Variants in SAXO1 observed in about 807,000 individuals in gnomAD.
The protein encoded by SAXO1 is 4930500O09Rik.
Under a neutral mutation model 17.5 loss-of-function variants are expected in SAXO1, and 21 were observed. The ratio of observed to expected loss-of-function variants is 1.20; its 90% CI spans 0.85 to 1.72. The LOEUF (loss-of-function observed/expected upper bound fraction) is 1.72, where lower values mean the gene tolerates loss of function less well. Among genes scored for constraint, SAXO1 ranks in the 40% most tolerant of loss-of-function variants. The pLI, the probability that SAXO1 is intolerant of heterozygous loss-of-function variation, is 0.00. For synonymous variants in SAXO1, 274 were observed against 216.5 expected, an observed-to-expected ratio of 1.27 and a Z score of -2.33; for missense variants, 843 against 596.0, an observed-to-expected ratio of 1.41 and a Z score of -4.32.
intron 1 of SAXO1, among the ~76,000 whole-genome samples, chr9:19,002,589 A>C (rs952479267): frequency 5.9e-5 from 9 of 152,264 alleles, no homozygotes; most frequent in Admixed American, 2.6e-4. Context: ...CTGGTTCAAC[A>C]TAGGCAAATT....
At chr9:18,931,130 T>A (rs1443050305) in intron 3 of SAXO1, among the ~76,000 whole-genome samples, 1 of 152,224 alleles carries the variant, frequency 6.6e-6, no homozygotes, top group Non-Finnish European at 1.5e-5. Context: ...ATAGAGTATT[T>A]GCATCATGCC....
chr9:18,934,303 TTATGAG>T (rs57231459), intron 3 of SAXO1, among the ~76,000 whole-genome samples: 16,936 of 152,066 alleles, frequency 0.11, 1,690 homozygotes, highest in African/African-American at 0.27. Context: ...GGGGCCATGA[TTATGAG>T]TATGTTAGTA....
chr9:19,027,162 G>C, intron 1 of SAXO1: 2 of 1,176,836 alleles, frequency 1.7e-6, no homozygotes, highest in South Asian at 2.4e-5. Flanking sequence ...TCAAGAGGAG[G>C]ATGGTCCAAA....
intron 1 of SAXO1, among the ~76,000 whole-genome samples, chr9:18,982,171 A>G (rs943690060): frequency 2.0e-5 from 3 of 152,272 alleles, no homozygotes; most frequent in Non-Finnish European, 2.9e-5. Context: ...ACCTGCCACA[A>G]TCCTCAATAC....
intron 1 of SAXO1, among the ~76,000 whole-genome samples, chr9:18,997,336 C>G (rs1404160432): frequency 1.3e-5 from 2 of 152,258 alleles, no homozygotes; most frequent in African/African-American, 2.4e-5. Flanking sequence ...AGAGCCTTCT[C>G]ACTGCTAGCG....
chr9:18,931,915 C>T (rs1022077023), intron 3 of SAXO1, among the ~76,000 whole-genome samples: 4 of 152,148 alleles, frequency 2.6e-5, no homozygotes, highest in African/African-American at 9.7e-5. Flanking sequence ...ACAAATCTTA[C>T]ACCAGGTATG....
At chr9:18,961,635 G>C (rs1254696386) in intron 1 of SAXO1, among the ~76,000 whole-genome samples, 1 of 152,136 alleles carries the variant, frequency 6.6e-6, no homozygotes, top group African/African-American at 2.4e-5. Flanking sequence ...ATGGTTTCCA[G>C]CTTCATCCAT....
In SAXO1 at chr9:19,041,995, A is replaced by G. The variant is rs542643757; in HGVS notation, c.-158+7214T>C. ...ACACAGCAATAGAAACAATCAACAA[A>G]TCAAAGAGACAACCCACCGAATGGG... On this transcript the variant is annotated intron_variant, in intron 1 of 3. Transcript: ENST00000542071. Among the ~76,000 whole-genome samples, 4 of 152,308 alleles carry G rather than the reference A, an allele frequency of 2.6e-5. No individual in the cohort carries two copies. The South Asian group carries it at 8.3e-4, about 32-fold the overall frequency.
In SAXO1 at chr9:18,928,383, G is replaced by C; in HGVS notation, c.1094C>G (p.Thr365Ser). 6.2e-7 allele frequency: 1 copy of C among 1,612,182 alleles called. No homozygotes were observed. The highest frequency in any genetic ancestry group is 8.5e-7 in the Non-Finnish European group (1 of 1,179,158). Residue 365 changes from threonine to serine, a missense_variant, in exon 4 of 4, where the codon ACC (threonine) becomes AGC (serine). Physicochemically the swap from Thr to Ser is moderately conservative, Grantham distance 58. Transcript: ENST00000380534. ...GGTGGTCAGGCAGTCCAGGGGCTCG[G>C]TGGGCAAGTCCAGCTGGGGAACGGG... ...VKPVPQLDLP[T>S]EPLDCLTTTR...
intron 1 of SAXO1, among the ~76,000 whole-genome samples, chr9:19,015,419 C>T (rs1208549097): frequency 1.3e-5 from 2 of 152,190 alleles, no homozygotes; most frequent in African/African-American, 4.8e-5. Flanking sequence ...TCTTGGCTTA[C>T]TGCAAGCTCC....
At chr9:19,033,772 G>A (rs112211410), upstream of SAXO1, among the ~76,000 whole-genome samples, 14 of 152,314 alleles carry the variant, frequency 9.2e-5, no homozygotes, top group African/African-American at 3.1e-4. Flanking sequence ...GGACCACCTG[G>A]CTTGATGAAA....
chr9:18,940,126 C>T (rs899952607), intron 3 of SAXO1, among the ~76,000 whole-genome samples: 5 of 152,176 alleles, frequency 3.3e-5, no homozygotes, highest in Admixed American at 2.6e-4. Flanking sequence ...GACACAGGAG[C>T]GGCTGGTGGT....
At chr9:19,016,013 C>A (rs948829885) in intron 1 of SAXO1, among the ~76,000 whole-genome samples, 2 of 152,164 alleles carry the variant, frequency 1.3e-5, no homozygotes, top group African/African-American at 2.4e-5. Context: ...ACACTGAAGG[C>A]TGAGAATACT....
chr9:18,966,249 G>C (rs7020516), intron 1 of SAXO1, among the ~76,000 whole-genome samples: 27,753 of 152,056 alleles, frequency 0.18, 5,335 homozygotes, highest in African/African-American at 0.49. Context: ...GTATCTTTCT[G>C]GTGTTCTCTG....
intron 1 of SAXO1, among the ~76,000 whole-genome samples, chr9:18,954,162 TC>T (rs1336412794): frequency 1.3e-5 from 2 of 152,124 alleles, no homozygotes; most frequent in African/African-American, 4.8e-5. Context: ...GTCTTTCCAC[TC>T]CAGAATTCAC....
intron 1 of SAXO1, among the ~76,000 whole-genome samples, chr9:19,008,646 G>A (rs1316192775): frequency 1.3e-5 from 2 of 152,126 alleles, no homozygotes; most frequent in Non-Finnish European, 2.9e-5. Context: ...CCAAATAACT[G>A]TGCCAGCTGT....
intron 1 of SAXO1, among the ~76,000 whole-genome samples, chr9:18,989,564 AC>A (rs781096039): frequency 6.6e-6 from 1 of 151,960 alleles, no homozygotes; most frequent in Non-Finnish European, 1.5e-5. Flanking sequence ...ATGCACACAC[AC>A]ACACACACAC....
At position 18,961,236 on chromosome 9, in the gene SAXO1, G is replaced by A. The variant is rs554588645; in HGVS notation, c.39-10299C>T. Among the ~76,000 whole-genome samples, 67 of 151,608 alleles carry A rather than the reference G, an allele frequency of 4.4e-4. 1 individual carries two copies. The highest frequency in any genetic ancestry group is 1.4e-3 in the African/African-American group (56 of 41,258). On this transcript the variant is annotated intron_variant, in intron 1 of 3. Coordinates refer to ENST00000380534, the MANE Select transcript of SAXO1 (RefSeq NM_153707.4). ...GGCTAGAGTGCAGTGGTGCAATGAC[G>A]GCCAGCTAAGTACAGCCTCAACCTC... is the stretch of plus-strand genomic sequence containing the variant.
chr9:18,943,468 C>G (rs983537782), intron 2 of SAXO1, among the ~76,000 whole-genome samples: 4 of 152,136 alleles, frequency 2.6e-5, no homozygotes, highest in Non-Finnish European at 5.9e-5. Flanking sequence ...AGCACTAAAC[C>G]AATTGTAGCA....
Sources: gnomAD v4.1 joint callset for allele counts (sites outside exome capture counted in the v4.1 genomes callset) on GRCh38, gnomAD v4.1.1 for gene constraint, MANE v1.5 for transcripts, NCBI Gene and HGNC (gene_info 2026-07-23, HGNC 2026-07-21) for gene names.